Variants in FHIT observed in about 807,000 individuals in gnomAD.
The protein encoded by FHIT is fragile histidine triad diadenosine triphosphatase, also known as bis(5'-adenosyl)-triphosphatase.
Under a neutral mutation model 17.9 loss-of-function variants are expected in FHIT, and 19 were observed. The ratio of observed to expected loss-of-function variants is 1.06; its 90% CI spans 0.74 to 1.56. The LOEUF is 1.56. Ranked by LOEUF, FHIT falls within the 40% of genes most tolerant of loss-of-function variation. The pLI is 0.00. For synonymous variants in FHIT, 81 were observed against 69.7 expected (o/e 1.16, Z -0.81); for missense variants, 248 against 189.2 (o/e 1.31, Z -1.82).
intron 4 of FHIT, among the ~76,000 whole-genome samples, chr3:60,800,620 G>T (rs73836145): frequency 6.6e-6 from 1 of 152,272 alleles, no homozygotes; most frequent in South Asian, 2.1e-4. Flanking sequence ...ACTCTGAAAT[G>T]GGTACGCTTG....
At chr3:61,123,380 TTAGGAGAAATACCTAATG>T (rs1180193146) in intron 2 of FHIT, among the ~76,000 whole-genome samples, 2 of 151,980 alleles carry the variant, frequency 1.3e-5, no homozygotes, top group Non-Finnish European at 2.9e-5. Flanking sequence ...AAGGATAGCA[TTAGGAGAAATACCTAATG>T]TAGATGACAG....
intron 4 of FHIT, among the ~76,000 whole-genome samples, chr3:60,709,875 A>T (rs146372986): frequency 6.6e-6 from 1 of 152,320 alleles, no homozygotes; most frequent in East Asian, 1.9e-4. Flanking sequence ...TAAAGAAAAT[A>T]TGTTAAATAC....
intron 5 of FHIT, among the ~76,000 whole-genome samples, chr3:60,398,370 G>A (rs550606208): frequency 6.6e-6 from 1 of 152,232 alleles, no homozygotes; most frequent in South Asian, 2.1e-4. Flanking sequence ...AAAGGACAAT[G>A]CCAGTGTCCA....
chr3:61,063,271 T>TAGTTTTA (rs1455409453), intron 2 of FHIT, among the ~76,000 whole-genome samples: 1 of 83,822 alleles, frequency 1.2e-5, no homozygotes, highest in Non-Finnish European at 3.1e-5. Context: ...AAAAAAAGAT[T>TAGTTTTA]AGTTTTAAGT....
At chr3:61,118,086 C>G (rs957731664) in intron 2 of FHIT, among the ~76,000 whole-genome samples, 1 of 152,142 alleles carries the variant, frequency 6.6e-6, no homozygotes, top group African/African-American at 2.4e-5. Context: ...CACTTTCAGT[C>G]ACTTGTTCCA....
chr3:59,903,121 C>A lies in FHIT; in HGVS notation c.348+19225G>T, dbSNP rs562997607. 2.6e-5 allele frequency among the ~76,000 whole-genome samples: 4 copies of A among 152,078 alleles called. No individual in the cohort carries two copies. The South Asian group carries it at 6.2e-4, about 24-fold the overall frequency. The stretch of plus-strand genomic sequence containing the variant: ...AAGCTGTAAAAAAAGAAATGAAGTG[C>A]GGATACATGCCAAAAGATGGGTGAC... On this transcript the variant is annotated intron_variant, in intron 8 of 9. Transcript: ENST00000492590.
intron 5 of FHIT, among the ~76,000 whole-genome samples, chr3:60,469,419 C>T (rs2032968093): frequency 6.6e-6 from 1 of 152,136 alleles, no homozygotes; most frequent in South Asian, 2.1e-4. Context: ...CTTTGTTTTG[C>T]TTATTTCTGC....
chr3:59,793,441 C>T (rs1654644924), intron 8 of FHIT, among the ~76,000 whole-genome samples: 1 of 152,038 alleles, frequency 6.6e-6, no homozygotes, highest in African/African-American at 2.4e-5. Flanking sequence ...GTCCAGGTCC[C>T]TTGTTTTACC....
chr3:60,377,204 C>CTT lies in FHIT; in HGVS notation c.103+159654_103+159655dup, dbSNP rs34034610. ...ACATGCAACAGAGAAAGCCATTAAGCTTTTTTTTTTTTTTTTAATGGAGTT... is the reference window on the plus strand; with the variant it reads ...ACATGCAACAGAGAAAGCCATTAAGCTTTTTTTTTTTTTTTTTTAATGGAGTT... On this transcript the variant is annotated intron_variant, in intron 5 of 9. Coordinates refer to ENST00000492590, the MANE Select transcript of FHIT (RefSeq NM_002012.4). 5.5e-3 allele frequency among the ~76,000 whole-genome samples: 767 copies of CTT among 140,540 alleles called. 8 individuals are homozygous for CTT. The highest frequency in any genetic ancestry group is 0.015 in the African/African-American group (557 of 38,086). The allele number at this position is 140,540 out of a possible 152,430, so 92.2% of individuals were successfully genotyped here. A position where few individuals can be genotyped will look rare whatever the true frequency, so the allele number is the denominator to read the frequency against.
At chr3:60,346,011 C>A (rs1710759902) in intron 5 of FHIT, among the ~76,000 whole-genome samples, 1 of 152,154 alleles carries the variant, frequency 6.6e-6, no homozygotes, top group Non-Finnish European at 1.5e-5. Flanking sequence ...TTGGTCTTAT[C>A]TATTCTTCCT....
intron 5 of FHIT, among the ~76,000 whole-genome samples, chr3:60,203,211 T>C (rs1367766385): frequency 1.3e-5 from 2 of 152,180 alleles, no homozygotes; most frequent in African/African-American, 2.4e-5. Context: ...CTCCTGTGAA[T>C]GTTGAATTAT....
rs71092647 is a variant in FHIT at position 60,859,723 on chromosome 3, A to ATTT, written c.-110-37715_-110-37713dup. 1.0e-3 allele frequency among the ~76,000 whole-genome samples: 54 copies of ATTT among 51,926 alleles called. 5 individuals carry two copies. The highest frequency in any genetic ancestry group is 3.0e-3 in the African/African-American group (40 of 13,222). The allele number at this position is 51,926 out of a possible 152,430, so 34.1% of individuals were successfully genotyped here. On this transcript the variant is annotated intron_variant, in intron 3 of 9. Coordinates refer to ENST00000492590, the MANE Select transcript of FHIT (RefSeq NM_002012.4). ...ACATTTGCAGTGGATTCTGAATACG[A>ATTT]TTTTTTTTTTTTTTTTTTTTTTTTT...
intron 8 of FHIT, among the ~76,000 whole-genome samples, chr3:59,880,922 C>G (rs139329938): frequency 2.1e-3 from 314 of 152,244 alleles, no homozygotes; most frequent in African/African-American, 6.6e-3. Flanking sequence ...CTTTAAGCCT[C>G]TTTGAGCAAT....
chr3:60,631,363 G>A (rs868983975), intron 4 of FHIT, among the ~76,000 whole-genome samples: 1 of 152,152 alleles, frequency 6.6e-6, no homozygotes, highest in African/African-American at 2.4e-5. Flanking sequence ...ATTTTCCAGA[G>A]AGCCTAAAAA....
intron 8 of FHIT, among the ~76,000 whole-genome samples, chr3:59,826,020 C>T (rs554132041): frequency 6.6e-6 from 1 of 152,232 alleles, no homozygotes; most frequent in Non-Finnish European, 1.5e-5. Flanking sequence ...TATTCTGCCA[C>T]AGTTTTAAGC....
At chr3:60,342,388 G>T (rs1710569365) in intron 5 of FHIT, among the ~76,000 whole-genome samples, 1 of 152,074 alleles carries the variant, frequency 6.6e-6, no homozygotes, top group Admixed American at 6.6e-5. Flanking sequence ...TCTCATCCTA[G>T]GTTTATGAAT....
chr3:59,871,062 C>T (rs1401183401), intron 8 of FHIT, among the ~76,000 whole-genome samples: 1 of 152,144 alleles, frequency 6.6e-6, no homozygotes, highest in Non-Finnish European at 1.5e-5. Flanking sequence ...ATGGTGACTT[C>T]AAATTGCTAT....
chr3:60,032,214 T>A (rs1701029975), intron 5 of FHIT, among the ~76,000 whole-genome samples: 1 of 152,096 alleles, frequency 6.6e-6, no homozygotes, highest in African/African-American at 2.4e-5. Context: ...TGTCCTTAAT[T>A]AAAATCATTA....
intron 5 of FHIT, among the ~76,000 whole-genome samples, chr3:60,325,732 T>C (rs1709661076): frequency 6.6e-6 from 1 of 152,216 alleles, no homozygotes; most frequent in African/African-American, 2.4e-5. Context: ...CAAACTACAA[T>C]GGACACTTCA....
Sources: gnomAD v4.1 joint callset for allele counts (sites outside exome capture counted in the v4.1 genomes callset) on GRCh38, gnomAD v4.1.1 for gene constraint, MANE v1.5 for transcripts, NCBI Gene and HGNC (gene_info 2026-07-23, HGNC 2026-07-21) for gene names.